Variants in SLC6A6 observed in about 807,000 individuals in gnomAD.
The protein encoded by SLC6A6 is sodium- and chloride-dependent taurine transporter.
SLC6A6 carries 16 observed loss-of-function variants against 68.8 expected under a neutral mutation model. That is an observed-to-expected ratio of 0.23 (90% confidence interval 0.16 to 0.35). The LOEUF is 0.35. SLC6A6 is among the 10% of genes least tolerant of loss of function. The probability of loss-of-function intolerance (pLI) is 1.00; values close to 1 mark genes in which losing one functional copy is unlikely to be tolerated. For synonymous variants in SLC6A6, 312 were observed against 315.4 expected (o/e 0.99, Z 0.12); for missense variants, 474 against 802.8 (o/e 0.59, Z 4.95).
intron 2 of SLC6A6, among the ~76,000 whole-genome samples, chr3:14,442,638 C>A (rs1231839601): frequency 6.6e-6 from 1 of 152,184 alleles, no homozygotes; most frequent in Non-Finnish European, 1.5e-5. Context: ...ACTTGGGGAC[C>A]TTAGGAAGTA....
At chr3:14,426,348 G>A (rs920165661) in intron 2 of SLC6A6, among the ~76,000 whole-genome samples, 2 of 152,194 alleles carry the variant, frequency 1.3e-5, no homozygotes, top group African/African-American at 2.4e-5. Flanking sequence ...CATCCCAAAG[G>A]GTGGCTGGTT....
chr3:14,424,830 G>A (rs919023891), intron 2 of SLC6A6, among the ~76,000 whole-genome samples: 1 of 152,146 alleles, frequency 6.6e-6, no homozygotes, highest in Non-Finnish European at 1.5e-5. Flanking sequence ...GCTGACTCAC[G>A]TGGTTTTGGG....
rs1700918142 is a variant in SLC6A6 at position 14,477,990 on chromosome 3, G to T, written c.1348-476G>T. Among the ~76,000 whole-genome samples the T allele has an allele frequency of 6.7e-6, 1 of 149,274 alleles. No individual in the cohort carries two copies. The highest frequency in any genetic ancestry group is 2.5e-5 in the African/African-American group (1 of 39,458). ...TCAAAGCCAGGGCACGCTCTCTCCT[G>T]CATGCCCCCCCCCACCACCTCCCCT... On this transcript the variant is annotated intron_variant, in intron 11 of 14. Transcript: ENST00000622186. This position sits in a 1 kb window ranked among gnomAD's most constrained non-coding sequence, Gnocchi z 4.2.
intron 1 of SLC6A6, among the ~76,000 whole-genome samples, chr3:14,412,105 A>G (rs1221352410): frequency 6.6e-6 from 1 of 152,212 alleles, no homozygotes; most frequent in African/African-American, 2.4e-5. Context: ...AAGGGAGGAA[A>G]GACCATTCTA....
chr3:14,437,994 A>ATTTTTTTTTTTT (rs34038422), intron 2 of SLC6A6, among the ~76,000 whole-genome samples: 2 of 118,324 alleles, frequency 1.7e-5, no homozygotes, highest in African/African-American at 3.3e-5. Flanking sequence ...CATCTGGCTA[A>ATTTTTTTTTTTT]TTTTTTTTTT....
intron 7 of SLC6A6, among the ~76,000 whole-genome samples, 164 bp downstream of exon 7, chr3:14,466,814 C>T (rs761224198): frequency 1.3e-5 from 2 of 152,198 alleles, no homozygotes; most frequent in Non-Finnish European, 2.9e-5. Context: ...GGGCCTGTGG[C>T]GGGTGTGCCT....
At chr3:14,412,562 C>T (rs1425424554) in intron 1 of SLC6A6, among the ~76,000 whole-genome samples, 1 of 152,082 alleles carries the variant, frequency 6.6e-6, no homozygotes, top group African/African-American at 2.4e-5. Context: ...ACCTGTAGTC[C>T]CAGCTATTTG....
chr3:14,484,730 C>A, intron 14 of SLC6A6, 137 bp from the exon 15 acceptor site: 1 of 794,312 alleles, frequency 1.3e-6, no homozygotes, highest in Non-Finnish European at 2.0e-6. Flanking sequence ...AGGACAAAAA[C>A]AGGAGATCAG....
In SLC6A6 at chr3:14,402,621, A is replaced by T; in HGVS notation, c.-280A>T. 1 of 397,762 alleles carries T rather than the reference A, an allele frequency of 2.5e-6. No individual in the cohort carries two copies. The allele number at this position is 397,762 out of a possible 1,614,324, so 24.6% of individuals were successfully genotyped here. ...GGGTGATGCTGAGAGCTGCCTGCTC[A>T]GACAACAGACACGCGAGGTCAGGAA... On this transcript the variant is annotated 5_prime_UTR_variant, in exon 1 of 15. Transcript: ENST00000622186. This position sits in a 1 kb window ranked among gnomAD's most constrained non-coding sequence, Gnocchi z 4.8.
intron 2 of SLC6A6, among the ~76,000 whole-genome samples, chr3:14,423,323 G>C (rs138537975): frequency 6.6e-6 from 1 of 152,320 alleles, no homozygotes; most frequent in African/African-American, 2.4e-5. Flanking sequence ...CCTGGGATGA[G>C]TGTGAGACAC....
At chr3:14,457,544 C>T (rs1700396562) in intron 5 of SLC6A6, among the ~76,000 whole-genome samples, 1 of 152,206 alleles carries the variant, frequency 6.6e-6, no homozygotes, top group Non-Finnish European at 1.5e-5. Flanking sequence ...AGTTGGCTAA[C>T]TTCGTTCTGT....
At chr3:14,464,764 C>T (rs186499523) in intron 6 of SLC6A6, among the ~76,000 whole-genome samples, 10 of 152,304 alleles carry the variant, frequency 6.6e-5, no homozygotes, top group Admixed American at 5.9e-4. Flanking sequence ...CTGTTCTCTT[C>T]ATCTCAGTTT....
Position 14,468,422 on chromosome 3 carries a change from G to A in SLC6A6, c.1096+210G>A, listed in dbSNP as rs1183173961. 1.3e-5 allele frequency among the ~76,000 whole-genome samples: 2 copies of A among 151,368 alleles called. No homozygotes were observed. Among genetic ancestry groups the A allele is most frequent in the African/African-American group, 2.4e-5 (1 of 41,072 alleles). ...ATTTGTATTGCAATTTGGCCCTGATGGGTGGCAAAAGCATGGGGGGTGGTT... is the reference window on the plus strand; with the variant it reads ...ATTTGTATTGCAATTTGGCCCTGATAGGTGGCAAAAGCATGGGGGGTGGTT... On this transcript the variant is annotated intron_variant, in intron 9 of 14. Transcript: ENST00000622186. This position sits in a 1 kb window ranked among gnomAD's most constrained non-coding sequence, Gnocchi z 4.5.
chr3:14,406,045 T>A (rs1699100933), intron 1 of SLC6A6, among the ~76,000 whole-genome samples: 1 of 152,148 alleles, frequency 6.6e-6, no homozygotes, highest in Admixed American at 6.5e-5. Context: ...TGGGCTGGCA[T>A]TCTCCACAGG....
At chr3:14,467,684 C>T (rs1179503042) in intron 7 of SLC6A6, among the ~76,000 whole-genome samples, 169 bp from the exon 8 acceptor site, 1 of 152,174 alleles carries the variant, frequency 6.6e-6, no homozygotes, top group Non-Finnish European at 1.5e-5. Context: ...CCTTGCAGCT[C>T]AGTACTGCCT....
At chr3:14,459,441 G>C (rs1411515558) in intron 6 of SLC6A6, among the ~76,000 whole-genome samples, 1 of 152,084 alleles carries the variant, frequency 6.6e-6, no homozygotes, top group Non-Finnish European at 1.5e-5. Flanking sequence ...AGGTAGAATG[G>C]GGGTGATCCT....
In SLC6A6 at chr3:14,445,707, C is replaced by T; in HGVS notation, c.230-10C>T. ...CACAGCCTCACTTTTGCCCATTCTG[C>T]TCTCTGCAGGTGCGTTTCTCATACC... On this transcript the variant is annotated splice_polypyrimidine_tract_variant and intron_variant, in intron 3 of 14. Transcript: ENST00000622186. 1 of 1,614,084 alleles carries T rather than the reference C, an allele frequency of 6.2e-7. No homozygotes were observed. Among genetic ancestry groups the T allele is most frequent in the Non-Finnish European group, 8.5e-7 (1 of 1,179,926 alleles).
chr3:14,402,995 A>T lies in SLC6A6; in HGVS notation c.-54+148A>T. 1 of 380,984 alleles carries T rather than the reference A, an allele frequency of 2.6e-6. No homozygotes were observed. The highest frequency in any genetic ancestry group is 2.1e-5 in the African/African-American group (1 of 47,954). The allele number at this position is 380,984 out of a possible 1,614,324, so 23.6% of individuals were successfully genotyped here. A position where few individuals can be genotyped will look rare whatever the true frequency, so the allele number is the denominator to read the frequency against. On this transcript the variant is annotated intron_variant, in intron 1 of 14. Coordinates refer to ENST00000622186, the MANE Select transcript of SLC6A6 (RefSeq NM_003043.6). This position sits in a 1 kb window ranked among gnomAD's most constrained non-coding sequence, Gnocchi z 4.8. ...TTTCACCACCGCGGAAGGGACCGAG[A>T]GTCGCCTGCTCAGTCCCGCTGGCGG...
At chr3:14,407,987 A>G (rs1699148539) in intron 1 of SLC6A6, among the ~76,000 whole-genome samples, 2 of 150,892 alleles carry the variant, frequency 1.3e-5, no homozygotes, top group South Asian at 4.2e-4. Context: ...CTCCCATTGT[A>G]TGGATGTTCC....
Sources: gnomAD v4.1 joint callset for allele counts (sites outside exome capture counted in the v4.1 genomes callset) on GRCh38, gnomAD v4.1.1 for gene constraint, Gnocchi (gnomAD v3.1) non-coding constraint, MANE v1.5 for transcripts, NCBI Gene and HGNC (gene_info 2026-07-23, HGNC 2026-07-21) for gene names.